Variants in CPNE4 observed in about 807,000 individuals in gnomAD.
The protein encoded by CPNE4 is copine 4.
CPNE4 carries 25 observed loss-of-function variants against 67.9 expected under a neutral mutation model. The ratio of observed to expected loss-of-function variants is 0.37; its 90% CI spans 0.27 to 0.51. The LOEUF is 0.51. Among genes scored for constraint, CPNE4 ranks in the 20% least tolerant of loss-of-function variants. The pLI, the probability that CPNE4 is intolerant of heterozygous loss-of-function variation, is 0.93. For synonymous variants in CPNE4, 242 were observed against 244.9 expected (o/e 0.99, Z 0.11); for missense variants, 464 against 690.8 (o/e 0.67, Z 3.68).
chr3:131,864,899 G>A (rs993772915), intron 2 of CPNE4, among the ~76,000 whole-genome samples: 8 of 152,008 alleles, frequency 5.3e-5, no homozygotes, highest in East Asian at 1.9e-4. Context: ...CTAATTTATC[G>A]AGAGTTTTTA....
At chr3:131,790,899 A>G (rs1445152053) in intron 2 of CPNE4, among the ~76,000 whole-genome samples, 1 of 152,118 alleles carries the variant, frequency 6.6e-6, no homozygotes, top group Non-Finnish European at 1.5e-5. Context: ...ATACAATACA[A>G]TTTTATGCTT....
chr3:131,916,435 A>C (rs2089188516), intron 1 of CPNE4, among the ~76,000 whole-genome samples: 1 of 151,806 alleles, frequency 6.6e-6, no homozygotes, highest in Non-Finnish European at 1.5e-5. Context: ...AAGCCAGTTT[A>C]CTTGAGAAAG....
intron 12 of CPNE4, among the ~76,000 whole-genome samples, chr3:131,553,554 A>G (rs1420558572): frequency 2.6e-5 from 4 of 151,984 alleles, no homozygotes; most frequent in Non-Finnish European, 5.9e-5. Flanking sequence ...TGTGCTGTAT[A>G]TTGTCTCCTA....
At chr3:131,851,550 T>A (rs1052376710) in intron 2 of CPNE4, among the ~76,000 whole-genome samples, 1 of 152,112 alleles carries the variant, frequency 6.6e-6, no homozygotes, top group East Asian at 1.9e-4. Flanking sequence ...CTCACATTTA[T>A]ACAGACCGGT....
At chr3:131,654,636 A>C (rs2079904163) in intron 7 of CPNE4, among the ~76,000 whole-genome samples, 1 of 152,186 alleles carries the variant, frequency 6.6e-6, no homozygotes, top group Admixed American at 6.5e-5. Context: ...TTATATTCTG[A>C]TGGCCATGTT....
At chr3:131,550,763 C>A (rs1209886285) in intron 13 of CPNE4, among the ~76,000 whole-genome samples, 1 of 152,062 alleles carries the variant, frequency 6.6e-6, no homozygotes, top group Admixed American at 6.6e-5. Flanking sequence ...ATCTCCTGGG[C>A]ACTGAGTACA....
chr3:131,926,292 C>A (rs1034987786), intron 1 of CPNE4, among the ~76,000 whole-genome samples: 3 of 152,166 alleles, frequency 2.0e-5, no homozygotes, highest in Admixed American at 6.5e-5. Context: ...TCTGAGTTAG[C>A]CTGTGACAAG....
intron 3 of CPNE4, among the ~76,000 whole-genome samples, chr3:131,709,463 C>G (rs909409623): frequency 6.6e-6 from 1 of 152,160 alleles, no homozygotes; most frequent in South Asian, 2.1e-4. Context: ...TGCCCTATCC[C>G]TGTGGATCCA....
At chr3:131,973,282 CA>C (rs2107620827) in intron 1 of CPNE4, among the ~76,000 whole-genome samples, 1 of 152,244 alleles carries the variant, frequency 6.6e-6, no homozygotes, top group African/African-American at 2.4e-5. Context: ...CCTGTCATTT[CA>C]AAGTTCTACC....
intron 2 of CPNE4, among the ~76,000 whole-genome samples, chr3:131,770,660 G>A (rs2083143667): frequency 6.6e-6 from 1 of 152,222 alleles, no homozygotes; most frequent in African/African-American, 2.4e-5. Context: ...CCTTCACTCA[G>A]TGCTTATAAC....
intron 1 of CPNE4, among the ~76,000 whole-genome samples, chr3:131,931,667 T>C (rs2071064572): frequency 6.6e-6 from 1 of 152,154 alleles, no homozygotes; most frequent in African/African-American, 2.4e-5. Flanking sequence ...GTCTTTGTTT[T>C]GCTCTACCTC....
intron 7 of CPNE4, among the ~76,000 whole-genome samples, chr3:131,648,468 A>G (rs1247097092): frequency 1.3e-5 from 2 of 152,258 alleles, no homozygotes; most frequent in African/African-American, 2.4e-5. Flanking sequence ...TGATAGAGAT[A>G]TTCATCTCCA....
At chr3:131,540,375 A>G (rs1935412944) in intron 15 of CPNE4, among the ~76,000 whole-genome samples, 1 of 152,240 alleles carries the variant, frequency 6.6e-6, no homozygotes, top group African/African-American at 2.4e-5. Context: ...CATGAAATAC[A>G]GAGTTCAGCT....
intron 13 of CPNE4, among the ~76,000 whole-genome samples, chr3:131,551,830 TATA>T (rs1253740701): frequency 5.9e-5 from 9 of 152,102 alleles, no homozygotes; most frequent in East Asian, 1.9e-4. Context: ...CAAAATTTAT[TATA>T]ATAATTATTA....
intron 1 of CPNE4, among the ~76,000 whole-genome samples, chr3:131,952,570 G>T (rs1180043192): frequency 7.1e-5 from 6 of 84,506 alleles, no homozygotes; most frequent in East Asian, 3.0e-4. Context: ...GGAGGGAGGT[G>T]GGGGGGTCAG....
chr3:131,810,889 T>C (rs1304488541), intron 2 of CPNE4, among the ~76,000 whole-genome samples: 4 of 152,074 alleles, frequency 2.6e-5, no homozygotes. Context: ...TGTGACAACC[T>C]TGATAGACCC....
At chr3:131,988,483 G>A (rs897448590) in intron 1 of CPNE4, among the ~76,000 whole-genome samples, 2 of 152,212 alleles carry the variant, frequency 1.3e-5, no homozygotes, top group African/African-American at 4.8e-5. Context: ...GACCAAAAGA[G>A]AGATGATATT....
chr3:131,906,039 TC>T (rs1388989555), intron 1 of CPNE4, among the ~76,000 whole-genome samples: 4 of 151,944 alleles, frequency 2.6e-5, no homozygotes, highest in Non-Finnish European at 5.9e-5. Context: ...CCTTTCCCTT[TC>T]CCACTCCCAC....
intron 2 of CPNE4, among the ~76,000 whole-genome samples, chr3:131,834,964 T>A (rs557896903): frequency 6.6e-6 from 1 of 152,258 alleles, no homozygotes; most frequent in African/African-American, 2.4e-5. Context: ...ACAAATTCTA[T>A]CTCACTAGTA....
Sources: allele counts gnomAD v4.1 joint callset (sites outside exome capture counted in the v4.1 genomes callset), GRCh38; gene constraint gnomAD v4.1.1; transcripts MANE v1.5; gene names NCBI Gene and HGNC (gene_info 2026-07-23, HGNC 2026-07-21).